Variants in EFR3A observed in about 807,000 individuals in gnomAD.
EFR3A encodes the protein EFR3 homolog A, also known as protein EFR3 homolog A.
EFR3A carries 76 observed loss-of-function variants against 104.4 expected under a neutral mutation model. The observed-to-expected ratio is 0.73, with a 90% CI of 0.60 to 0.88. The LOEUF is 0.88. Among genes scored for constraint, EFR3A ranks in the 40% least tolerant of loss-of-function variants. The pLI is 0.00. For synonymous variants in EFR3A, 330 were observed against 330.0 expected (o/e 1.00, Z 0.00); for missense variants, 985 against 1,012.5 (o/e 0.97, Z 0.37).
At chr8:131,972,140 G>C (rs755010086) in intron 10 of EFR3A, among the ~76,000 whole-genome samples, 32 of 151,952 alleles carry the variant, frequency 2.1e-4, no homozygotes, top group Non-Finnish European at 3.5e-4. Context: ...TGAACTCAAT[G>C]GATTTATATT....
Position 132,011,465 on chromosome 8 carries a change from A to G in EFR3A, c.*570A>G, listed in dbSNP as rs77143518. On this transcript the variant is annotated 3_prime_UTR_variant, in exon 23 of 23. Transcript: ENST00000254624. ...GGCATTCCTCATCTTCTTCACAATA[A>G]TAGGACATCTGTTGAATAGCATTCC... The G allele has an allele frequency of 1.5e-4, 146 of 960,548 alleles. No individual in the cohort carries two copies. The African/African-American group carries it at 2.4e-3, about 16-fold the overall frequency. 59.5% of individuals were successfully genotyped at this position (960,548 alleles called of 1,614,324 possible).
chr8:132,012,377 T>C lies in EFR3A; in HGVS notation c.*1482T>C, dbSNP rs1482401254. The C allele has an allele frequency of 6.6e-6, 1 of 152,194 alleles. No individual in the cohort carries two copies. Among genetic ancestry groups the C allele is most frequent in the Non-Finnish European group, 1.5e-5 (1 of 68,022 alleles). The allele number at this position is 152,194 out of a possible 1,614,324, so 9.4% of individuals were successfully genotyped here. A position where few individuals can be genotyped will look rare whatever the true frequency, so the allele number is the denominator to read the frequency against. On this transcript the variant is annotated 3_prime_UTR_variant, in exon 23 of 23. Coordinates refer to ENST00000254624, the MANE Select transcript of EFR3A (RefSeq NM_015137.6). Reference sequence around the variant, plus strand: ...AATACTTAAACAAAAGCGCAACATCTTGAAAACCAGTCTAGTCATTGAAAC... The same window carrying C: ...AATACTTAAACAAAAGCGCAACATCCTGAAAACCAGTCTAGTCATTGAAAC...
intron 14 of EFR3A, 83 bp downstream of exon 14, chr8:131,979,504 C>G: frequency 1.0e-6 from 1 of 977,378 alleles, no homozygotes. Flanking sequence ...TGATCTGTGC[C>G]CTTGAAATTA....
intron 7 of EFR3A, among the ~76,000 whole-genome samples, 161 bp from the exon 8 acceptor site, chr8:131,959,424 C>T (rs1563664822): frequency 6.6e-6 from 1 of 152,152 alleles, no homozygotes; most frequent in East Asian, 1.9e-4. Flanking sequence ...GCTTTAATTG[C>T]AACATATATT....
intron 20 of EFR3A, among the ~76,000 whole-genome samples, chr8:132,002,045 A>T (rs1821807595): frequency 6.6e-6 from 1 of 152,200 alleles, no homozygotes; most frequent in African/African-American, 2.4e-5. Flanking sequence ...ATAAAAGAAG[A>T]CATTTATTAA....
chr8:132,012,545 C>G lies in EFR3A; in HGVS notation c.*1650C>G, dbSNP rs1305639592. 6.6e-6 allele frequency: 1 copy of G among 152,466 alleles called. No individual in the cohort carries two copies. Among genetic ancestry groups the G allele is most frequent in the African/African-American group, 2.4e-5 (1 of 41,390 alleles). 9.4% of individuals were successfully genotyped at this position (152,466 alleles called of 1,614,324 possible). On this transcript the variant is annotated 3_prime_UTR_variant, in exon 23 of 23. Transcript: ENST00000254624. The stretch of plus-strand genomic sequence containing the variant: ...TGTCACTGGAACTTTGCCTCTTGAT[C>G]AGGAAAAATGCTTCACCAGTCCGTA...
In EFR3A at chr8:131,984,172, G is replaced by A. The variant is rs1173726618; in HGVS notation, c.1609G>A (p.Gly537Ser). ...ACAGCTGTATCGGCACATATATTTG[G>A]GTTGTAAAGAGGAAGACAACGTTCA... ...GQQLYRHIYL[G>S]CKEEDNVQKN... is the part of the protein sequence containing the mutation. Residue 537 changes from glycine to serine, a missense_variant, in exon 15 of 23, where the codon GGT (glycine) becomes AGT (serine). By Grantham distance (56) the Gly-to-Ser change is moderately conservative. Transcript: ENST00000254624. The A allele has an allele frequency of 2.5e-6, 4 of 1,611,552 alleles. No homozygotes were observed. The highest frequency in any genetic ancestry group is 3.4e-6 in the Non-Finnish European group (4 of 1,178,862).
At chr8:131,950,994 C>T (rs1818673160) in intron 5 of EFR3A, among the ~76,000 whole-genome samples, 1 of 151,974 alleles carries the variant, frequency 6.6e-6, no homozygotes, top group Non-Finnish European at 1.5e-5. Context: ...ACTATCTACA[C>T]CTAAAAAACA....
intron 1 of EFR3A, among the ~76,000 whole-genome samples, chr8:131,916,810 C>T (rs185143484): frequency 6.6e-5 from 10 of 152,290 alleles, no homozygotes; most frequent in African/African-American, 2.4e-4. Context: ...CAGTCTCTTA[C>T]AGTTTGATCT....
chr8:131,940,293 A>C (rs1004523967), intron 1 of EFR3A: 11 of 563,940 alleles, frequency 2.0e-5, no homozygotes, highest in African/African-American at 1.9e-4. Context: ...TTACCTAAAA[A>C]TTCTTAGAAG....
At chr8:131,964,167 A>G (rs1171549195) in intron 8 of EFR3A, among the ~76,000 whole-genome samples, 1 of 151,766 alleles carries the variant, frequency 6.6e-6, no homozygotes, top group Non-Finnish European at 1.5e-5. Flanking sequence ...GGCACAAGAC[A>G]GGGATGCCCT....
intron 10 of EFR3A, among the ~76,000 whole-genome samples, chr8:131,973,640 G>C (rs369665917): frequency 2.6e-5 from 4 of 152,198 alleles, no homozygotes; most frequent in African/African-American, 9.6e-5. Context: ...TATTCTGGCA[G>C]TTGTCAGATC....
intron 8 of EFR3A, among the ~76,000 whole-genome samples, chr8:131,967,598 G>A (rs1198716726): frequency 6.6e-6 from 1 of 151,082 alleles, no homozygotes; most frequent in Non-Finnish European, 1.5e-5. Flanking sequence ...CCTATTCACT[G>A]GAGTTAAGAA....
At chr8:131,979,535 G>A in intron 14 of EFR3A, 114 bp downstream of exon 14, 2 of 736,676 alleles carry the variant, frequency 2.7e-6, no homozygotes, top group Non-Finnish European at 4.4e-6. Context: ...TTTTGAATTT[G>A]AAAGACCTCA....
intron 1 of EFR3A, among the ~76,000 whole-genome samples, chr8:131,914,163 G>A (rs1245675041): frequency 6.6e-6 from 1 of 152,160 alleles, no homozygotes; most frequent in African/African-American, 2.4e-5. Context: ...CCAGGCAAAT[G>A]TATAACACCT....
chr8:131,955,858 T>C lies in EFR3A; in HGVS notation c.729T>C (p.Gly243=). The C allele has an allele frequency of 6.2e-7, 1 of 1,613,520 alleles. No homozygotes were observed. The highest frequency in any genetic ancestry group is 1.1e-5 in the South Asian group (1 of 91,058). The change falls in exon 7 of 23, where the codon GGT becomes GGC. Residue 243 remains glycine, a synonymous_variant. Coordinates refer to ENST00000254624, the MANE Select transcript of EFR3A (RefSeq NM_015137.6). ...AAAACTGTTTCAGAGAACTGCTGGG[T>C]CGAGCAACTTTTGGGAATATGAATA... ...LAENCFRELL[G]RATFGNMNNA...
At chr8:131,929,116 T>A (rs552221186) in intron 1 of EFR3A, among the ~76,000 whole-genome samples, 10 of 152,274 alleles carry the variant, frequency 6.6e-5, no homozygotes, top group African/African-American at 2.4e-4. Context: ...TATCCCACCT[T>A]CAAGTTTACC....
intron 8 of EFR3A, among the ~76,000 whole-genome samples, chr8:131,965,045 C>T (rs1395949439): frequency 6.6e-6 from 1 of 152,102 alleles, no homozygotes. Context: ...CCCTTCCTTA[C>T]ACCTTATACA....
At position 131,959,523 on chromosome 8, in the gene EFR3A, G is replaced by A. The variant is rs78210150; in HGVS notation, c.777-62G>A. The A allele has an allele frequency of 2.4e-4, 335 of 1,368,124 alleles. No homozygotes were observed. In the African/African-American group the frequency reaches 4.3e-3, roughly 18 times the overall value. 84.7% of individuals were successfully genotyped at this position (1,368,124 alleles called of 1,614,324 possible). Reference sequence around the variant, plus strand: ...CTATTAAGCTTTTCCTATTGTTGAGGTTTCTAGAGGAAGAAAGTATAGTAA... The same window carrying A: ...CTATTAAGCTTTTCCTATTGTTGAGATTTCTAGAGGAAGAAAGTATAGTAA... On this transcript the variant is annotated intron_variant, in intron 7 of 22. Coordinates refer to ENST00000254624, the MANE Select transcript of EFR3A (RefSeq NM_015137.6).
Sources: gnomAD v4.1 joint callset for allele counts (sites outside exome capture counted in the v4.1 genomes callset) on GRCh38, gnomAD v4.1.1 for gene constraint, MANE v1.5 for transcripts, NCBI Gene and HGNC (gene_info 2026-07-23, HGNC 2026-07-21) for gene names.